The following CHMP6 variants were observed in gnomAD, a reference collection of about 807,000 sequenced individuals.
The protein encoded by CHMP6 is charged multivesicular body protein 6.
In CHMP6, 10 loss-of-function variants were observed where a neutral mutation model predicts 32.8. The ratio of observed to expected loss-of-function variants is 0.30; its 90% CI spans 0.19 to 0.52. The LOEUF (loss-of-function observed/expected upper bound fraction) is 0.52, where lower values mean the gene tolerates loss of function less well. Among genes scored for constraint, CHMP6 ranks in the 20% least tolerant of loss-of-function variants. The probability of loss-of-function intolerance (pLI) is 0.97; values close to 1 mark genes in which losing one functional copy is unlikely to be tolerated. For missense variants in CHMP6, 269 were observed against 263.8 expected (o/e 1.02, Z -0.14); for synonymous variants, 123 against 105.8 (o/e 1.16, Z -1.00).
chr17:80,998,226 C>T (rs2069655675), intron 6 of CHMP6, 140 bp from the exon 7 acceptor site: 8 of 942,622 alleles, frequency 8.5e-6, no homozygotes, highest in African/African-American at 3.3e-5. Flanking sequence ...AGACTTGGGT[C>T]TTCTGAGCAG....
At chr17:80,994,501 C>T (rs1432037426) in intron 1 of CHMP6, 80 bp from the exon 2 acceptor site, 2 of 1,307,744 alleles carry the variant, frequency 1.5e-6, no homozygotes, top group Non-Finnish European at 2.1e-6. Context: ...GGCCGCCCGG[C>T]CTCCATGCCT....
rs1411983183 is a variant in CHMP6, at chr17:80,997,474, G to T, written c.495+133G>T. ...AGTAAATAGTCTGCGGTTTGTGACTGGTTTTCCTACCTGAGGTGACTCTGT... is the reference window on the plus strand; with the variant it reads ...AGTAAATAGTCTGCGGTTTGTGACTTGTTTTCCTACCTGAGGTGACTCTGT... On this transcript the variant is annotated intron_variant, in intron 6 of 7. Transcript: ENST00000325167. 5 of 744,300 alleles carry T rather than the reference G, an allele frequency of 6.7e-6. No individual in the cohort carries two copies. The Admixed American group carries it at 1.0e-4, about 16-fold the overall frequency. 46.1% of individuals were successfully genotyped at this position (744,300 alleles called of 1,614,324 possible). A position where few individuals can be genotyped will look rare whatever the true frequency, so the allele number is the denominator to read the frequency against.
rs767639574 is a variant in CHMP6 at position 80,997,312 on chromosome 17, A to G, written c.466A>G (p.Ile156Val). The G allele has an allele frequency of 2.8e-6, 4 of 1,412,634 alleles. No individual in the cohort carries two copies. The highest frequency in any genetic ancestry group is 2.4e-5 in the South Asian group (2 of 83,426). The allele number at this position is 1,412,634 out of a possible 1,614,324, so 87.5% of individuals were successfully genotyped here. Reference protein sequence around the residue: ...GSFTQEDEDAILEELSAITQE... With the variant: ...GSFTQEDEDAVLEELSAITQE... ...CTTCACTCAGGAGGATGAAGACGCC[A>G]TCCTGGAGGAGCTGAGCGCAATCAC... Residue 156 changes from isoleucine to valine, a missense_variant, in exon 6 of 8, where the codon ATC becomes GTC. Physicochemically the swap from Ile to Val is conservative, Grantham distance 29 (BLOSUM62 3). Coordinates refer to ENST00000325167, the MANE Select transcript of CHMP6 (RefSeq NM_024591.5).
intron 7 of CHMP6, chr17:80,998,765 C>T: frequency 3.6e-6 from 4 of 1,121,144 alleles, no homozygotes; most frequent in Non-Finnish European, 4.8e-6. Context: ...CACCATTCAG[C>T]ACAGGCTCTC....
intron 3 of CHMP6, among the ~76,000 whole-genome samples, chr17:80,995,463 C>T (rs568631273): frequency 1.5e-3 from 231 of 152,254 alleles, no homozygotes; most frequent in African/African-American, 5.4e-3. Flanking sequence ...AAGCAACCAG[C>T]GGTCCCCTGA....
At chr17:80,998,958 C>G in intron 7 of CHMP6, 140 bp from the exon 8 acceptor site, 3 of 936,586 alleles carry the variant, frequency 3.2e-6, no homozygotes, top group Non-Finnish European at 4.9e-6. Flanking sequence ...TGTCACTTGC[C>G]TCCCCCAGAG....
Position 80,991,945 on chromosome 17 carries a change from G to A in CHMP6, c.27G>A (p.Lys9=). 1.4e-6 allele frequency: 2 copies of A among 1,468,384 alleles called. No individual in the cohort carries two copies. 91.0% of individuals were successfully genotyped at this position (1,468,384 alleles called of 1,614,324 possible). Reference sequence around the variant, plus strand: ...TGGGTAACCTGTTCGGCCGCAAGAAGCAGAGCCGCGTCACGGAGCAGGACA... The same window carrying A: ...TGGGTAACCTGTTCGGCCGCAAGAAACAGAGCCGCGTCACGGAGCAGGACA... The part of the protein sequence containing the change: MGNLFGRK[K]QSRVTEQDKA... Residue 9 remains lysine (K), a synonymous_variant, in exon 1 of 8, where the codon AAG becomes AAA. Transcript: ENST00000325167.
intron 1 of CHMP6, among the ~76,000 whole-genome samples, chr17:80,994,157 G>A (rs1226844494): frequency 1.3e-5 from 2 of 152,118 alleles, no homozygotes; most frequent in Admixed American, 6.6e-5. Context: ...CTCGTGCTCC[G>A]CCCGCCTCGG....
Position 80,997,014 on chromosome 17 carries a change from C to G in CHMP6, c.356C>G (p.Ser119Cys), listed in dbSNP as rs765854602. Residue 119 changes from serine (S) to cysteine (C), a missense_variant, in exon 5 of 8, where the codon TCC becomes TGC. Physicochemically the swap from Ser to Cys is moderately radical, Grantham distance 112. Transcript: ENST00000325167. ...ECLNKMHQVMSIEEVERILDE... is the reference protein window; with the variant it reads ...ECLNKMHQVMCIEEVERILDE... ...CATCACCCTCGTCCACAGGTGATGT[C>G]CATTGAAGAGGTGGAGAGGATCCTG... 1 of 1,613,686 alleles carries G rather than the reference C, an allele frequency of 6.2e-7. No homozygotes were observed. Among genetic ancestry groups the G allele is most frequent in the Non-Finnish European group, 8.5e-7 (1 of 1,179,816 alleles).
intron 4 of CHMP6, 30 bp from the exon 5 acceptor site, chr17:80,996,975 CAG>C (rs543065475): frequency 1.6e-4 from 258 of 1,597,500 alleles, no homozygotes; most frequent in Non-Finnish European, 2.0e-4. Context: ...GGCCTCGCGA[CAG>C]GGGTCAACAC....
intron 7 of CHMP6, chr17:80,998,735 AGGGAT>A: frequency 7.6e-7 from 1 of 1,310,218 alleles, no homozygotes; most frequent in South Asian, 1.6e-5. Context: ...GCCCTCAGCC[AGGGAT>A]GGCTCTCCCC....
chr17:80,992,028 G>A (rs896510807), intron 1 of CHMP6, 47 bp downstream of exon 1: 6 of 1,280,342 alleles, frequency 4.7e-6, no homozygotes, highest in Non-Finnish European at 5.0e-6. Flanking sequence ...GACAGGCGAC[G>A]GGGCCGGGGC....
At chr17:80,999,051 G>A in intron 7 of CHMP6, 47 bp from the exon 8 acceptor site, 1 of 1,610,620 alleles carries the variant, frequency 6.2e-7, no homozygotes, top group Non-Finnish European at 8.5e-7. Context: ...GGAGGTCTCT[G>A]CCTGTGGGTC....
At chr17:80,996,523 G>A (rs2069638728) in intron 4 of CHMP6, among the ~76,000 whole-genome samples, 1 of 152,204 alleles carries the variant, frequency 6.6e-6, no homozygotes, top group Non-Finnish European at 1.5e-5. Context: ...TTTTCCAAGT[G>A]TTTGGTGAGT....
rs755517578 is a variant in CHMP6 at position 80,995,753 on chromosome 17, C to T, written c.343C>T (p.His115Tyr). 1.6e-5 allele frequency: 26 copies of T among 1,613,780 alleles called. No individual in the cohort carries two copies. Among genetic ancestry groups the T allele is most frequent in the Admixed American group, 3.3e-5 (2 of 59,990 alleles). Reference protein sequence around the residue: ...QFGNECLNKMHQVMSIEEVER... With the variant: ...QFGNECLNKMYQVMSIEEVER... ...TGGAAATGAGTGTCTGAACAAGATG[C>T]ACCAGGTGAGTCTCTGCAGGGCCAG... The change falls in exon 4 of 8, where the codon CAC (histidine) becomes TAC (tyrosine). Residue 115 changes from histidine (H) to tyrosine (Y), a missense_variant. By Grantham distance (83) the His-to-Tyr change is moderately conservative. Coordinates refer to ENST00000325167, the MANE Select transcript of CHMP6 (RefSeq NM_024591.5).
chr17:80,998,115 C>G (rs1002802279), intron 6 of CHMP6, among the ~76,000 whole-genome samples: 6 of 152,222 alleles, frequency 3.9e-5, no homozygotes, highest in Non-Finnish European at 7.3e-5. Context: ...CGCCTCCTTA[C>G]AGCCCCTCAG....
intron 7 of CHMP6, chr17:80,998,710 T>G (rs867217332): frequency 7.3e-7 from 1 of 1,366,722 alleles, no homozygotes; most frequent in South Asian, 1.6e-5. Flanking sequence ...ATTCCCAGGG[T>G]GTAGCCCAGG....
At chr17:80,992,107 C>G in intron 1 of CHMP6, 126 bp downstream of exon 1, 4 of 596,372 alleles carry the variant, frequency 6.7e-6, no homozygotes, top group Non-Finnish European at 9.5e-6. Flanking sequence ...TGAGGCGCAG[C>G]GCGCAGCCGG....
At chr17:80,996,725 C>T (rs957016905) in intron 4 of CHMP6, among the ~76,000 whole-genome samples, 86 of 152,332 alleles carry the variant, frequency 5.6e-4, no homozygotes, top group African/African-American at 1.9e-3. Context: ...ACTCATCAAA[C>T]GGCCCCTGTG....
Sources: allele counts gnomAD v4.1 joint callset (sites outside exome capture counted in the v4.1 genomes callset), GRCh38; gene constraint gnomAD v4.1.1; transcripts MANE v1.5; gene names NCBI Gene and HGNC (gene_info 2026-07-23, HGNC 2026-07-21).